Variants in OPRK1 observed in about 807,000 individuals in gnomAD.
OPRK1 encodes the protein opioid receptor kappa 1.
Under a neutral mutation model 24.5 loss-of-function variants are expected in OPRK1, and 15 were observed. The ratio of observed to expected loss-of-function variants is 0.61; its 90% CI spans 0.41 to 0.94. The LOEUF is 0.94. OPRK1 is among the 40% of genes least tolerant of loss of function. The pLI is 0.00. For missense variants in OPRK1, 479 were observed against 507.3 expected (o/e 0.94, Z 0.54); for synonymous variants, 205 against 198.0 (o/e 1.04, Z -0.30).
chr8:53,239,535 T>A (rs1280691015), intron 2 of OPRK1, among the ~76,000 whole-genome samples: 2 of 152,184 alleles, frequency 1.3e-5, no homozygotes. Context: ...AACAGTAGTG[T>A]CAGGCCACAG....
intron 3 of OPRK1, among the ~76,000 whole-genome samples, chr8:53,234,547 C>G (rs1806939490): frequency 6.6e-6 from 1 of 152,156 alleles, no homozygotes; most frequent in African/African-American, 2.4e-5. Flanking sequence ...GGGCATCTCT[C>G]TTCTGGCAAT....
rs1441153061 is a variant in OPRK1, at chr8:53,228,547, G to C, written c.*750C>G. On this transcript the variant is annotated 3_prime_UTR_variant, in exon 4 of 4. Transcript: ENST00000265572. ...AGATACTATATATATATTTTCAGTG[G>C]TATTCACACCACTTTATGTTTCTTG... is the stretch of plus-strand genomic sequence containing the variant. The C allele has an allele frequency of 6.6e-6, 1 of 152,076 alleles. No homozygotes were observed. Among genetic ancestry groups the C allele is most frequent in the African/African-American group, 2.4e-5 (1 of 41,400 alleles). 9.4% of individuals were successfully genotyped at this position (152,076 alleles called of 1,614,324 possible). A position where few individuals can be genotyped will look rare whatever the true frequency, so the allele number is the denominator to read the frequency against.
chr8:53,239,521 T>C (rs899263932), intron 2 of OPRK1, among the ~76,000 whole-genome samples: 10 of 152,094 alleles, frequency 6.6e-5, no homozygotes, highest in African/African-American at 2.4e-4. Flanking sequence ...CTGCCTGGGA[T>C]GGGAACAGTA....
chr8:53,230,195 A>G (rs2128807699), intron 3 of OPRK1, among the ~76,000 whole-genome samples: 1 of 152,074 alleles, frequency 6.6e-6, no homozygotes, highest in African/African-American at 2.4e-5. Flanking sequence ...CCATTCATTA[A>G]CACTTCTCCC....
chr8:53,231,045 CAATT>C (rs975121054), intron 3 of OPRK1, among the ~76,000 whole-genome samples: 1 of 151,874 alleles, frequency 6.6e-6, no homozygotes, highest in Admixed American at 6.6e-5. Flanking sequence ...ACATTTTTGA[CAATT>C]AATAAAGACT....
chr8:53,249,131 C>T (rs1278084406), intron 2 of OPRK1, among the ~76,000 whole-genome samples: 2 of 152,082 alleles, frequency 1.3e-5, no homozygotes, highest in Non-Finnish European at 2.9e-5. Context: ...AGAGCAACTA[C>T]AAAGCTCTTT....
chr8:53,238,502 G>A (rs185787352), intron 2 of OPRK1: 78 of 981,292 alleles, frequency 7.9e-5, no homozygotes, highest in African/African-American at 1.9e-4. Context: ...GGGGCAGGCC[G>A]GGAAAGAGGG....
chr8:53,232,537 A>C (rs1241923460), intron 3 of OPRK1, among the ~76,000 whole-genome samples: 5 of 152,200 alleles, frequency 3.3e-5, no homozygotes, highest in Non-Finnish European at 5.9e-5. Flanking sequence ...AATTCATAAA[A>C]ACTAAGCATT....
At chr8:53,236,109 C>T (rs936980674) in intron 2 of OPRK1, among the ~76,000 whole-genome samples, 4 of 152,270 alleles carry the variant, frequency 2.6e-5, no homozygotes, top group South Asian at 4.2e-4. Context: ...ACAATTCAAG[C>T]GTGCCCCATT....
intron 2 of OPRK1, among the ~76,000 whole-genome samples, chr8:53,245,255 T>C (rs1807202881): frequency 6.6e-6 from 1 of 152,168 alleles, no homozygotes; most frequent in African/African-American, 2.4e-5. Flanking sequence ...AATGAGGCCA[T>C]ATGGGTGGGC....
At chr8:53,243,033 G>T in intron 2 of OPRK1, 1 of 1,138,798 alleles carries the variant, frequency 8.8e-7, no homozygotes, top group Non-Finnish European at 1.1e-6. Flanking sequence ...CCCCTCCAAA[G>T]AAAGGGAAAA....
At chr8:53,244,931 A>T (rs528435393) in intron 2 of OPRK1, among the ~76,000 whole-genome samples, 41 of 152,154 alleles carry the variant, frequency 2.7e-4, no homozygotes, top group Non-Finnish European at 5.4e-4. Flanking sequence ...AAATCCATGG[A>T]TGCTCCAGTC....
At chr8:53,235,480 C>T (rs1242052401) in intron 2 of OPRK1, among the ~76,000 whole-genome samples, 1 of 151,310 alleles carries the variant, frequency 6.6e-6, no homozygotes, top group Non-Finnish European at 1.5e-5. Flanking sequence ...TTTTCAAACA[C>T]TATATTCATT....
rs777121921 is a variant in OPRK1 at position 53,229,333 on chromosome 8, G to A, written c.1107C>T (p.Tyr369=). 1.7e-5 allele frequency: 27 copies of A among 1,614,022 alleles called. No homozygotes were observed. The highest frequency in any genetic ancestry group is 2.2e-5 in the South Asian group (2 of 91,084). ...TATTCATCCCATCGATGTCCCTCAG[G>A]TAAGCAGGATCCTGAACTGTATTTC... ...RVRNTVQDPA[Y]LRDIDGMNKP... Residue 369 remains tyrosine, a synonymous_variant, in exon 4 of 4, where the codon TAC becomes TAT. Transcript: ENST00000265572.
chr8:53,235,326 T>C (rs948625773), intron 2 of OPRK1, among the ~76,000 whole-genome samples: 4 of 152,214 alleles, frequency 2.6e-5, no homozygotes, highest in African/African-American at 9.6e-5. Flanking sequence ...GTGCTTTGTT[T>C]AAAAAATTTC....
intron 2 of OPRK1, among the ~76,000 whole-genome samples, chr8:53,243,122 A>G (rs1807153761): frequency 6.6e-6 from 1 of 152,234 alleles, no homozygotes; most frequent in South Asian, 2.1e-4. Context: ...TATGATTCTA[A>G]GTATGTATTA....
In OPRK1 at chr8:53,250,764, G is replaced by T; in HGVS notation, c.257+17C>A. 1.9e-6 allele frequency: 3 copies of T among 1,592,204 alleles called. No homozygotes were observed. The highest frequency in any genetic ancestry group is 2.6e-6 in the Non-Finnish European group (3 of 1,167,994). On this transcript the variant is annotated intron_variant, in intron 2 of 3. Transcript: ENST00000265572. ...TGCCCCGCCCAGCCCCCAGCGCTGC[G>T]CTGTCCCCGCGCTCACCGGATGATC... is the stretch of plus-strand genomic sequence containing the variant.
rs1806751093 is a variant in OPRK1, at chr8:53,228,074, A to T, written c.*1223T>A. 1 of 152,152 alleles carries T rather than the reference A, an allele frequency of 6.6e-6. No individual in the cohort carries two copies. Among genetic ancestry groups the T allele is most frequent in the Non-Finnish European group, 1.5e-5 (1 of 68,018 alleles). The allele number at this position is 152,152 out of a possible 1,614,324, so 9.4% of individuals were successfully genotyped here. ...CCTCAGCAGGTATGCCCTTCACAGA[A>T]TGCCATGCAGGATGTGTCCTGGCAC... On this transcript the variant is annotated 3_prime_UTR_variant, in exon 4 of 4. Coordinates refer to ENST00000265572, the MANE Select transcript of OPRK1 (RefSeq NM_000912.5).
Position 53,229,274 on chromosome 8 carries a change from T to C in OPRK1, c.*23A>G. Reference sequence around the variant, plus strand: ...GAACTCCTCTCTTCCCGAAGAACTGTACGAAGACATCTCCACGACTAGTCA... The same window carrying C: ...GAACTCCTCTCTTCCCGAAGAACTGCACGAAGACATCTCCACGACTAGTCA... On this transcript the variant is annotated 3_prime_UTR_variant, in exon 4 of 4. Transcript: ENST00000265572. 4 of 1,599,598 alleles carry C rather than the reference T, an allele frequency of 2.5e-6. No individual in the cohort carries two copies. Among genetic ancestry groups the C allele is most frequent in the Non-Finnish European group, 3.4e-6 (4 of 1,171,814 alleles).
Sources: allele counts gnomAD v4.1 joint callset (sites outside exome capture counted in the v4.1 genomes callset), GRCh38; gene constraint gnomAD v4.1.1; transcripts MANE v1.5; gene names NCBI Gene and HGNC (gene_info 2026-07-23, HGNC 2026-07-21).